SLC8A3: variants seen among roughly 807,000 people sequenced by gnomAD.
SLC8A3 encodes solute carrier family 8 member A3.
SLC8A3 carries 37 observed loss-of-function variants against 65.4 expected under a neutral mutation model. The ratio of observed to expected loss-of-function variants is 0.57; its 90% confidence interval spans 0.44 to 0.74. The LOEUF (loss-of-function observed/expected upper bound fraction) is 0.74, where lower values mean the gene tolerates loss of function less well. Ranked by LOEUF, SLC8A3 falls within the 30% of genes least tolerant of loss-of-function variation. The pLI, the probability that SLC8A3 is intolerant of heterozygous loss-of-function variation, is 0.00. For missense variants in SLC8A3, 1,112 were observed against 1,172.1 expected (o/e 0.95, Z 0.75); for synonymous variants, 461 against 444.5 (o/e 1.04, Z -0.47).
At chr14:70,187,399 A>AT (rs1455175007) in intron 1 of SLC8A3, among the ~76,000 whole-genome samples, 3 of 151,728 alleles carry the variant, frequency 2.0e-5, no homozygotes, top group African/African-American at 7.3e-5. Flanking sequence ...CATTAAAGGC[A>AT]TTTCTTCTAT....
intron 2 of SLC8A3, among the ~76,000 whole-genome samples, chr14:70,145,251 T>C (rs973890788): frequency 4.6e-5 from 7 of 152,326 alleles, no homozygotes; most frequent in African/African-American, 1.7e-4. Context: ...ATTGAATAAG[T>C]ATTGGGGAAG....
At chr14:70,116,089 C>T (rs1486790403) in intron 2 of SLC8A3, among the ~76,000 whole-genome samples, 1 of 152,042 alleles carries the variant, frequency 6.6e-6, no homozygotes, top group Non-Finnish European at 1.5e-5. Flanking sequence ...ATTGGCACCC[C>T]CCTCCCCCAC....
chr14:70,179,210 G>A lies in SLC8A3; in HGVS notation c.-63+9169C>T, dbSNP rs867230567. Among the ~76,000 whole-genome samples, 10 of 151,380 alleles carry A rather than the reference G, an allele frequency of 6.6e-5. 1 individual carries two copies. In the Middle Eastern group the frequency reaches 0.01, roughly 156 times the overall value. On this transcript the variant is annotated intron_variant, in intron 1 of 6. Transcript: ENST00000356921. ...CCCCCTCTCTGAGAGGCTTTCCCCC[G>A]CCCATCTTATCTAAAGGCAATCTCC...
intron 2 of SLC8A3, among the ~76,000 whole-genome samples, chr14:70,074,171 C>T (rs1220578340): frequency 6.6e-6 from 1 of 152,198 alleles, no homozygotes; most frequent in African/African-American, 2.4e-5. Context: ...CACTGGATGA[C>T]AGAACAGCCT....
chr14:70,150,042 G>A (rs1443387966), intron 2 of SLC8A3, among the ~76,000 whole-genome samples: 1 of 152,116 alleles, frequency 6.6e-6, no homozygotes, highest in Non-Finnish European at 1.5e-5. Flanking sequence ...AGCTAATCCC[G>A]GGATTGGGGA....
intron 2 of SLC8A3, among the ~76,000 whole-genome samples, chr14:70,091,952 T>C (rs773957743): frequency 6.6e-6 from 1 of 152,222 alleles, no homozygotes; most frequent in Non-Finnish European, 1.5e-5. Context: ...ACCATTGTGT[T>C]ATGGATATGT....
At chr14:70,051,220 T>TA (rs1887471826) in intron 4 of SLC8A3, 113 bp from the exon 5 acceptor site, 1 of 715,282 alleles carries the variant, frequency 1.4e-6, no homozygotes, top group Non-Finnish European at 2.5e-6. Flanking sequence ...TTCTGACAGT[T>TA]ACGCATGGAA....
At chr14:70,064,593 A>G (rs951347930) in intron 2 of SLC8A3, among the ~76,000 whole-genome samples, 1 of 152,170 alleles carries the variant, frequency 6.6e-6, no homozygotes, top group East Asian at 1.9e-4. Flanking sequence ...CTCATGTCAC[A>G]CATTCTGGCA....
chr14:70,059,552 A>G (rs1477760582), intron 3 of SLC8A3: 1 of 152,078 alleles, frequency 6.6e-6, no homozygotes, highest in Non-Finnish European at 1.5e-5. Context: ...GCTTCCAATC[A>G]TTTTCTTCAA....
Position 70,167,774 on chromosome 14 carries a change from G to A in SLC8A3, c.649C>T (p.Leu217Phe), listed in dbSNP as rs1161688310. 1 of 1,614,140 alleles carries A rather than the reference G, an allele frequency of 6.2e-7. No homozygotes were observed. Among genetic ancestry groups the A allele is most frequent in the Non-Finnish European group, 8.5e-7 (1 of 1,180,024 alleles). Residue 217 changes from leucine to phenylalanine, a missense_variant, in exon 2 of 7, where the codon CTC becomes TTC. Coordinates refer to ENST00000356921, the MANE Select transcript of SLC8A3 (RefSeq NM_182932.3). Reference sequence around the variant, plus strand: ...GAGAAGACTGCCAGAATCATATAGAGCCAGATGTAGGCAAAGATACTCCAA... The same window carrying A: ...GAGAAGACTGCCAGAATCATATAGAACCAGATGTAGGCAAAGATACTCCAA... ...AAWSIFAYIW[L>F]YMILAVFSPG...
chr14:70,057,342 G>C (rs1276844531), intron 3 of SLC8A3, among the ~76,000 whole-genome samples: 1 of 144,392 alleles, frequency 6.9e-6, no homozygotes, highest in African/African-American at 2.6e-5. Context: ...AGATAGGCAA[G>C]AGCTTGTTTA....
intron 2 of SLC8A3, among the ~76,000 whole-genome samples, chr14:70,080,491 C>T (rs1445985470): frequency 6.6e-6 from 1 of 152,184 alleles, no homozygotes; most frequent in East Asian, 1.9e-4. Context: ...CTGCTCGCTA[C>T]ACTGGCCCAG....
chr14:70,050,089 A>T (rs1887309393), intron 5 of SLC8A3, among the ~76,000 whole-genome samples: 2 of 152,348 alleles, frequency 1.3e-5, no homozygotes, highest in Non-Finnish European at 2.9e-5. Context: ...AAAATCTGTA[A>T]GCTGGGGTAA....
chr14:70,098,232 G>A (rs1892316812), intron 2 of SLC8A3, among the ~76,000 whole-genome samples: 1 of 152,158 alleles, frequency 6.6e-6, no homozygotes, highest in African/African-American at 2.4e-5. Context: ...GCTCCCAAAA[G>A]AGGTGCTCCA....
At chr14:70,170,064 A>T (rs774682928) in intron 1 of SLC8A3, among the ~76,000 whole-genome samples, 1 of 152,124 alleles carries the variant, frequency 6.6e-6, no homozygotes, top group Non-Finnish European at 1.5e-5. Flanking sequence ...ACTAGTTCTC[A>T]ATTCCACTTT....
At chr14:70,079,247 G>A (rs1206653032) in intron 2 of SLC8A3, among the ~76,000 whole-genome samples, 1 of 150,762 alleles carries the variant, frequency 6.6e-6, no homozygotes, top group Non-Finnish European at 1.5e-5. Flanking sequence ...ACTTTGGGAT[G>A]TGGAGGTGGG....
chr14:70,166,746 C>G lies in SLC8A3; in HGVS notation c.1677G>C (p.Arg559=). The G allele has an allele frequency of 6.2e-7, 1 of 1,614,038 alleles. No homozygotes were observed. Among genetic ancestry groups the G allele is most frequent in the Non-Finnish European group, 8.5e-7 (1 of 1,179,906 alleles). ...EVKVLRTSGA[R]GTVIVPFRTV... ...TCCTAAAGGGGACGATGACTGTACCCCGGGCACCTGATGTCCGCAGAACCT... is the reference window on the plus strand; with the variant it reads ...TCCTAAAGGGGACGATGACTGTACCGCGGGCACCTGATGTCCGCAGAACCT... The change falls in exon 2 of 7, where the codon CGG becomes CGC. Residue 559 remains arginine, a synonymous_variant. Coordinates refer to ENST00000356921, the MANE Select transcript of SLC8A3 (RefSeq NM_182932.3).
intron 2 of SLC8A3, among the ~76,000 whole-genome samples, chr14:70,105,205 T>A (rs1435307303): frequency 2.0e-5 from 3 of 152,114 alleles, no homozygotes; most frequent in Admixed American, 2.0e-4. Context: ...GGCTGGTGCC[T>A]GTAGTCCCAG....
chr14:70,173,338 C>A (rs1475600882), intron 1 of SLC8A3, among the ~76,000 whole-genome samples: 4 of 152,090 alleles, frequency 2.6e-5, no homozygotes, highest in Non-Finnish European at 5.9e-5. Context: ...CCATGTCACA[C>A]TCCCCTCTCT....
Sources: gnomAD v4.1 joint callset for allele counts (sites outside exome capture counted in the v4.1 genomes callset) on GRCh38, gnomAD v4.1.1 for gene constraint, MANE v1.5 for transcripts, NCBI Gene and HGNC (gene_info 2026-07-23, HGNC 2026-07-21) for gene names.